The following OPHN1 variants were observed in gnomAD, a reference collection of about 807,000 sequenced individuals.
The protein encoded by OPHN1 is oligophrenin-1.
OPHN1 carries 11 observed loss-of-function variants against 60.7 expected under a neutral mutation model. The ratio of observed to expected loss-of-function variants is 0.18; its 90% CI spans 0.11 to 0.30. The LOEUF (loss-of-function observed/expected upper bound fraction) is 0.30, where lower values mean the gene tolerates loss of function less well. Ranked by LOEUF, OPHN1 falls within the 10% of genes least tolerant of loss-of-function variation. The probability of loss-of-function intolerance (pLI) is 1.00; values close to 1 mark genes in which losing one functional copy is unlikely to be tolerated. For synonymous variants in OPHN1, 226 were observed against 222.6 expected, an observed-to-expected ratio of 1.02 and a Z score of -0.14; for missense variants, 449 against 611.0, an observed-to-expected ratio of 0.73 and a Z score of 2.80.
intron 6 of OPHN1, among the ~76,000 whole-genome samples, chrX:68,219,512 T>C (rs1178785160): frequency 2.8e-5 from 3 of 108,665 alleles, no homozygotes; most frequent in Non-Finnish European, 3.8e-5. Context: ...TATTCCAAAA[T>C]TGACCACATA....
intron 15 of OPHN1, among the ~76,000 whole-genome samples, chrX:68,177,360 T>G: frequency 9.4e-6 from 1 of 106,883 alleles, no homozygotes; most frequent in Middle Eastern, 4.8e-3. Flanking sequence ...TGGTAAATTT[T>G]GTCATGTATA....
intron 15 of OPHN1, among the ~76,000 whole-genome samples, chrX:68,160,977 G>C (rs2077331771): frequency 9.1e-6 from 1 of 110,156 alleles, no homozygotes; most frequent in South Asian, 3.8e-4. Flanking sequence ...ACATATGACA[G>C]TTCAACAAAA....
At chrX:68,363,117 G>C (rs1207604041) in intron 2 of OPHN1, among the ~76,000 whole-genome samples, 1 of 108,828 alleles carries the variant, frequency 9.2e-6, no homozygotes, top group Non-Finnish European at 1.9e-5. Flanking sequence ...GCACGGTGGC[G>C]CGTGCCTGTA....
chrX:68,090,212 T>A (rs2077011387), intron 19 of OPHN1, among the ~76,000 whole-genome samples: 1 of 106,157 alleles, frequency 9.4e-6, no homozygotes, highest in Admixed American at 1.0e-4. Context: ...TTACACATAC[T>A]GACGCCCACC....
intron 19 of OPHN1, among the ~76,000 whole-genome samples, chrX:68,091,551 C>A (rs2077018383): frequency 9.0e-6 from 1 of 111,134 alleles, no homozygotes; most frequent in Non-Finnish European, 1.9e-5. Flanking sequence ...CCATGGCATG[C>A]GAAAAGAGGC....
chrX:68,292,210 A>T (rs1389407207), intron 3 of OPHN1, among the ~76,000 whole-genome samples: 1 of 111,138 alleles, frequency 9.0e-6, no homozygotes, highest in Non-Finnish European at 1.9e-5. Flanking sequence ...GCTTTACTTG[A>T]TATTATTGAT....
At chrX:68,085,152 T>C (rs1033843710) in intron 19 of OPHN1, among the ~76,000 whole-genome samples, 1 of 112,329 alleles carries the variant, frequency 8.9e-6, no homozygotes. Flanking sequence ...GTTACTGCTA[T>C]TCCTTTTGGG....
chrX:68,098,250 C>T (rs748593497), intron 18 of OPHN1, among the ~76,000 whole-genome samples: 30 of 111,896 alleles, frequency 2.7e-4, no homozygotes, highest in Non-Finnish European at 4.5e-4. Context: ...TTTCCGTTTA[C>T]TTATCTGCCT....
chrX:68,189,247 C>G (rs960422535), intron 15 of OPHN1, among the ~76,000 whole-genome samples: 4 of 111,931 alleles, frequency 3.6e-5, no homozygotes, highest in Admixed American at 9.5e-5. Flanking sequence ...TGGAGCACAA[C>G]ATGATTATTA....
chrX:68,371,759 C>T (rs980200654), intron 2 of OPHN1, among the ~76,000 whole-genome samples: 2 of 111,665 alleles, frequency 1.8e-5, no homozygotes, highest in East Asian at 5.7e-4. Flanking sequence ...TTATTTTTCA[C>T]GGAGTCTCAC....
chrX:68,160,518 A>G (rs2077329993), intron 15 of OPHN1, among the ~76,000 whole-genome samples: 1 of 111,660 alleles, frequency 9.0e-6, no homozygotes, highest in Non-Finnish European at 1.9e-5. Context: ...TCCAGAATAT[A>G]CCATAAGCCA....
chrX:68,104,757 C>A (rs1689822159), intron 18 of OPHN1, among the ~76,000 whole-genome samples: 2 of 111,813 alleles, frequency 1.8e-5, no homozygotes, highest in Non-Finnish European at 3.8e-5. Flanking sequence ...TGCGCAATGA[C>A]TTCATGACTA....
At chrX:68,295,177 C>T (rs1022021752) in intron 3 of OPHN1, among the ~76,000 whole-genome samples, 11 of 111,948 alleles carry the variant, frequency 9.8e-5, no homozygotes, top group Non-Finnish European at 1.5e-4. Flanking sequence ...TGAAGTTATA[C>T]GAGAAATAAT....
At chrX:68,219,580 C>T (rs2077640193) in intron 6 of OPHN1, among the ~76,000 whole-genome samples, 1 of 111,025 alleles carries the variant, frequency 9.0e-6, no homozygotes, top group Admixed American at 9.6e-5. Context: ...AACAAACTAT[C>T]TCTCAGACCA....
intron 15 of OPHN1, among the ~76,000 whole-genome samples, chrX:68,152,868 G>A (rs1399563895): frequency 1.8e-5 from 2 of 111,310 alleles, no homozygotes; most frequent in Non-Finnish European, 1.9e-5. Flanking sequence ...GAGAGTAGGG[G>A]AGGCTATAGG....
rs770954219 is a variant in OPHN1, at chrX:68,071,546, G to T, written c.1834+1606C>A. 78 of 601,539 alleles carry T rather than the reference G, an allele frequency of 1.3e-4. No homozygotes were observed. In the African/African-American group the frequency reaches 1.6e-3, roughly 12 times the overall value. 49.6% of individuals were successfully genotyped at this position (601,539 alleles called of 1,213,427 possible). On this transcript the variant is annotated intron_variant, in intron 20 of 24. Coordinates refer to ENST00000355520, the MANE Select transcript of OPHN1 (RefSeq NM_002547.3). ...ACAGCAAATGGCTCTAAGGAGTATT[G>T]TCAGGCATAGGGACACCATCAGGCT... is the stretch of plus-strand genomic sequence containing the variant.
At chrX:68,209,992 C>CTTTTTT (rs57516402) in intron 9 of OPHN1, 161 bp downstream of exon 9, 115 of 442,119 alleles carry the variant, frequency 2.6e-4, no homozygotes, top group Admixed American at 8.6e-4. Flanking sequence ...TCAGTTTCTC[C>CTTTTTT]TTTTTTTTTT....
intron 6 of OPHN1, among the ~76,000 whole-genome samples, chrX:68,231,418 C>G (rs1402712512): frequency 2.7e-5 from 3 of 111,868 alleles, no homozygotes; most frequent in African/African-American, 9.7e-5. Flanking sequence ...TAGATAAAAT[C>G]TTACCATATG....
At chrX:68,220,441 A>G (rs903000197) in intron 6 of OPHN1, among the ~76,000 whole-genome samples, 7 of 110,948 alleles carry the variant, frequency 6.3e-5, no homozygotes, top group African/African-American at 2.0e-4. Flanking sequence ...TGAGGCCAGC[A>G]TCATTCTGAT....
Sources: allele counts gnomAD v4.1 joint callset (sites outside exome capture counted in the v4.1 genomes callset), GRCh38; gene constraint gnomAD v4.1.1; transcripts MANE v1.5; gene names NCBI Gene and HGNC (gene_info 2026-07-23, HGNC 2026-07-21).